BCAR3: variants seen among roughly 807,000 people sequenced by gnomAD.
BCAR3 encodes breast cancer anti-estrogen resistance protein 3.
A neutral mutation model predicts 80.1 loss-of-function variants in BCAR3; 37 were observed. The ratio of observed to expected loss-of-function variants is 0.46; its 90% CI spans 0.36 to 0.61. BCAR3 has a LOEUF of 0.61. Among genes scored for constraint, BCAR3 ranks in the 20% least tolerant of loss-of-function variants. BCAR3 has a pLI of 0.00. For synonymous variants in BCAR3, 389 were observed against 418.9 expected (o/e 0.93, Z 0.87); for missense variants, 978 against 1,068.2 (o/e 0.92, Z 1.18).
intron 3 of BCAR3, among the ~76,000 whole-genome samples, chr1:93,627,546 A>G (rs751797329): frequency 1.5e-4 from 23 of 152,256 alleles, no homozygotes; most frequent in Non-Finnish European, 3.4e-4. Flanking sequence ...CGAAGCAAAT[A>G]TAAGAATCAA....
chr1:93,836,515 C>T (rs533299641), intron 2 of BCAR3, among the ~76,000 whole-genome samples: 13 of 151,590 alleles, frequency 8.6e-5, no homozygotes, highest in African/African-American at 3.2e-4. Context: ...CTTCCTTCAG[C>T]TTAATCTCTC....
chr1:93,835,682 T>C (rs1360558071), intron 2 of BCAR3, among the ~76,000 whole-genome samples: 5 of 152,200 alleles, frequency 3.3e-5, no homozygotes, highest in Admixed American at 2.0e-4. Context: ...TCTGCTATTT[T>C]ACTACTCCTC....
chr1:93,615,004 CTTTTTT>C (rs912095250), intron 3 of BCAR3, among the ~76,000 whole-genome samples: 2 of 122,020 alleles, frequency 1.6e-5, no homozygotes, highest in African/African-American at 6.1e-5. Flanking sequence ...TCAACGAGTT[CTTTTTT>C]TTTTTTTTTT....
At chr1:93,649,563 T>A (rs1676258274) in intron 2 of BCAR3, among the ~76,000 whole-genome samples, 1 of 148,524 alleles carries the variant, frequency 6.7e-6, no homozygotes, top group African/African-American at 2.5e-5. Context: ...ATCATGTAGC[T>A]GGGAAAAAAA....
intron 1 of BCAR3, among the ~76,000 whole-genome samples, chr1:93,679,332 C>T (rs1017596828): frequency 1.3e-5 from 2 of 152,120 alleles, no homozygotes; most frequent in Non-Finnish European, 2.9e-5. Flanking sequence ...AAGGAAGTAA[C>T]TCTGAGAGTT....
At chr1:93,602,010 G>A (rs1674638960) in intron 3 of BCAR3, 1 of 152,136 alleles carries the variant, frequency 6.6e-6, no homozygotes, top group South Asian at 2.1e-4. Context: ...CAACTCCACA[G>A]GTTGGGATTT....
intron 2 of BCAR3, among the ~76,000 whole-genome samples, chr1:93,733,421 C>T (rs895343940): frequency 2.0e-5 from 3 of 152,054 alleles, no homozygotes; most frequent in Admixed American, 6.5e-5. Context: ...AACAGGAAGC[C>T]GGTGTTCAGG....
At chr1:93,694,526 C>A (rs140824312) in intron 3 of BCAR3, among the ~76,000 whole-genome samples, 1 of 152,266 alleles carries the variant, frequency 6.6e-6, no homozygotes, top group East Asian at 1.9e-4. Flanking sequence ...TTCTCCCTAC[C>A]CCTTTCTTTT....
At chr1:93,675,925 C>CAAAAAAAAAAAAAAAA (rs58706715) in intron 1 of BCAR3, among the ~76,000 whole-genome samples, 10 of 51,460 alleles carry the variant, frequency 1.9e-4, no homozygotes, top group Admixed American at 5.8e-4. Flanking sequence ...AAATAGGAGA[C>CAAAAAAAAAAAAAAAA]AAAAAAAAAA....
upstream of BCAR3, among the ~76,000 whole-genome samples, chr1:93,682,598 A>T (rs1436822184): frequency 1.3e-5 from 2 of 152,154 alleles, no homozygotes; most frequent in Non-Finnish European, 2.9e-5. Flanking sequence ...CTTGTTGCCC[A>T]AGCTGTTGTG....
chr1:93,568,721 G>A (rs1468628449), intron 9 of BCAR3, among the ~76,000 whole-genome samples: 1 of 152,128 alleles, frequency 6.6e-6, no homozygotes, highest in Admixed American at 6.6e-5. Context: ...TGCCTCAAAA[G>A]CATTCAGTAT....
chr1:93,666,297 G>T (rs1177378681), intron 2 of BCAR3, among the ~76,000 whole-genome samples: 2 of 152,198 alleles, frequency 1.3e-5, no homozygotes, highest in African/African-American at 4.8e-5. Flanking sequence ...AATAGCTGAA[G>T]TTAATTTTAA....
chr1:93,816,230 A>G (rs544386790), intron 2 of BCAR3, among the ~76,000 whole-genome samples: 1 of 152,330 alleles, frequency 6.6e-6, no homozygotes, highest in South Asian at 2.1e-4. Flanking sequence ...AGTTTATTCT[A>G]TCACTGTAGG....
At chr1:93,817,875 C>T (rs1654074908) in intron 2 of BCAR3, among the ~76,000 whole-genome samples, 1 of 152,166 alleles carries the variant, frequency 6.6e-6, no homozygotes, top group Non-Finnish European at 1.5e-5. Flanking sequence ...CCCTGCTTTC[C>T]CACCCTCCCA....
intron 2 of BCAR3, among the ~76,000 whole-genome samples, chr1:93,811,480 A>G (rs1470914298): frequency 6.6e-6 from 1 of 152,232 alleles, no homozygotes; most frequent in Non-Finnish European, 1.5e-5. Context: ...AGAGACAGAG[A>G]TAAGTGCAAA....
intron 2 of BCAR3, among the ~76,000 whole-genome samples, chr1:93,717,085 G>A (rs1032251915): frequency 3.3e-5 from 5 of 152,214 alleles, no homozygotes; most frequent in East Asian, 3.9e-4. Flanking sequence ...TCAAGAAACC[G>A]CACAGTATCT....
intron 4 of BCAR3, 25 bp from the exon 5 acceptor site, chr1:93,589,444 G>T (rs1254221365): frequency 6.3e-7 from 1 of 1,582,976 alleles, no homozygotes; most frequent in Admixed American, 1.7e-5. Context: ...GGTGAGTGAG[G>T]AGTAGGAAAG....
intron 2 of BCAR3, among the ~76,000 whole-genome samples, chr1:93,757,668 GTCAT>G (rs1651792014): frequency 6.6e-6 from 1 of 152,156 alleles, no homozygotes; most frequent in African/African-American, 2.4e-5. Context: ...CCTCCTCTGG[GTCAT>G]TCATTCATCA....
At position 93,589,042 on chromosome 1, in the gene BCAR3, C is replaced by G. The variant is rs890551701; in HGVS notation, c.864G>C (p.Arg288Ser). The change falls in exon 5 of 12, where the codon AGG becomes AGC. Residue 288 changes from arginine to serine, a missense_variant. Arg to Ser is a moderately radical substitution (Grantham distance 110). Coordinates refer to ENST00000260502, the MANE Select transcript of BCAR3 (RefSeq NM_003567.4). Reference sequence around the variant, plus strand: ...GGACGCCACCCATGGTGAGGCTCAGCCTCTTGGCCACATCCGGCCTTCCCT... The same window carrying G: ...GGACGCCACCCATGGTGAGGCTCAGGCTCTTGGCCACATCCGGCCTTCCCT... ...LTKGRPDVAK[R>S]LSLTMGGVQA... The G allele has an allele frequency of 1.2e-6, 2 of 1,609,172 alleles. No homozygotes were observed.
Sources: gnomAD v4.1 joint callset for allele counts (sites outside exome capture counted in the v4.1 genomes callset) on GRCh38, gnomAD v4.1.1 for gene constraint, MANE v1.5 for transcripts, NCBI Gene and HGNC (gene_info 2026-07-23, HGNC 2026-07-21) for gene names.